Variants in GGNBP2 observed in about 807,000 individuals in gnomAD.
GGNBP2 encodes the protein gametogenetin binding protein 2.
A neutral mutation model predicts 85.9 loss-of-function variants in GGNBP2; 10 were observed. The ratio of observed to expected loss-of-function variants is 0.12; its 90% CI spans 0.07 to 0.20. GGNBP2 has a LOEUF of 0.20. GGNBP2 is among the 10% of genes least tolerant of loss of function. GGNBP2 has a pLI of 1.00. For synonymous variants in GGNBP2, 287 were observed against 285.7 expected (o/e 1.00, Z -0.05); for missense variants, 595 against 857.8 (o/e 0.69, Z 3.83).
chr17:36,585,198 C>A, intron 9 of GGNBP2, 102 bp from the exon 10 acceptor site: 3 of 980,522 alleles, frequency 3.1e-6, no homozygotes, highest in South Asian at 1.5e-5. Context: ...AGTGAAAATG[C>A]CACATCTTAC....
intron 6 of GGNBP2, chr17:36,576,617 GTGTGTGTGTGTGTATA>G (rs2074590800): frequency 1.6e-5 from 2 of 122,426 alleles, no homozygotes; most frequent in Non-Finnish European, 3.2e-5. Context: ...GTGTGTGTGT[GTGTGTGTGTGTGTATA>G]TGTATATATG....
Position 36,587,062 on chromosome 17 carries a change from C to G in GGNBP2, c.1707C>G (p.His569Gln), listed in dbSNP as rs751701927. ...GNRETSGNTM[H>Q]TVFHRDKTKD... is the part of the protein sequence containing the mutation. ...GAGAGACCTCAGGAAATACCATGCA[C>G]ACAGTGTTTCACCGTGACAAGACCA... Residue 569 changes from histidine to glutamine, a missense_variant, in exon 13 of 14, where the codon CAC (histidine) becomes CAG (glutamine). Coordinates refer to ENST00000613102, the MANE Select transcript of GGNBP2 (RefSeq NM_024835.5). 2 of 1,613,878 alleles carry G rather than the reference C, an allele frequency of 1.2e-6. No individual in the cohort carries two copies. The highest frequency in any genetic ancestry group is 2.2e-5 in the South Asian group (2 of 91,078).
chr17:36,547,803 A>G (rs1324607584), intron 2 of GGNBP2: 1 of 152,252 alleles, frequency 6.6e-6, no homozygotes, highest in Non-Finnish European at 1.5e-5. Flanking sequence ...TTGCTTCAGA[A>G]TGGGTTTTTA....
At chr17:36,588,718 G>A (rs546370716) in intron 13 of GGNBP2, among the ~76,000 whole-genome samples, 1 of 151,908 alleles carries the variant, frequency 6.6e-6, no homozygotes, top group African/African-American at 2.4e-5. Flanking sequence ...TCCTGCCTCA[G>A]CCTCCCAAAA....
At chr17:36,574,729 G>A (rs562270928) in intron 6 of GGNBP2, 40 of 629,650 alleles carry the variant, frequency 6.4e-5, no homozygotes, top group African/African-American at 5.3e-4. Flanking sequence ...GCACTGAGAC[G>A]ATGCCAGTGC....
Position 36,587,027 on chromosome 17 carries a change from C to G in GGNBP2, c.1672C>G (p.Pro558Ala). The part of the protein sequence containing the change: ...IQKLGSCITD[P>A]GNRETSGNTM... ...GAAGCTTGGAAGCTGTATTACAGAT[C>G]CAGGTAATCGAGAGACCTCAGGAAA... The change falls in exon 13 of 14, where the codon CCA becomes GCA. Residue 558 changes from proline to alanine, a missense_variant. By Grantham distance (27) the Pro-to-Ala change is conservative. Around this residue, in one of 9 missense-constraint regions of GGNBP2, gnomAD observed 120 missense variants for 126.3 expected, o/e 0.95. Transcript: ENST00000613102. 6.2e-7 allele frequency: 1 copy of G among 1,612,810 alleles called. No individual in the cohort carries two copies. Among genetic ancestry groups the G allele is most frequent in the Non-Finnish European group, 8.5e-7 (1 of 1,179,518 alleles).
In GGNBP2 at chr17:36,578,198, T is replaced by G; in HGVS notation, c.845+12T>G. ...GAGTTCGCAGGAGGGTATGAGTATG[T>G]AATTTGCTAGAATGGGCTATCTAGC... is the stretch of plus-strand genomic sequence containing the variant. On this transcript the variant is annotated intron_variant, in intron 7 of 13. Coordinates refer to ENST00000613102, the MANE Select transcript of GGNBP2 (RefSeq NM_024835.5). The G allele has an allele frequency of 6.3e-7, 1 of 1,591,082 alleles. No homozygotes were observed. The highest frequency in any genetic ancestry group is 8.6e-7 in the Non-Finnish European group (1 of 1,164,786).
chr17:36,547,679 G>C (rs562727361), intron 2 of GGNBP2: 1 of 152,304 alleles, frequency 6.6e-6, no homozygotes, highest in East Asian at 1.9e-4. Flanking sequence ...ACTGTATCTG[G>C]CGGTTGAATT....
At chr17:36,550,065 G>T (rs939865851) in intron 2 of GGNBP2, among the ~76,000 whole-genome samples, 1 of 151,974 alleles carries the variant, frequency 6.6e-6, no homozygotes, top group Non-Finnish European at 1.5e-5. Context: ...AACCTCCTGA[G>T]TAGCTGGGAT....
At chr17:36,564,311 T>C (rs1221261583) in intron 5 of GGNBP2, among the ~76,000 whole-genome samples, 1 of 152,232 alleles carries the variant, frequency 6.6e-6, no homozygotes, top group Non-Finnish European at 1.5e-5. Context: ...TATGCATCTG[T>C]GTTCATTGCT....
intron 6 of GGNBP2, chr17:36,574,780 G>A: frequency 1.5e-6 from 1 of 648,248 alleles, no homozygotes; most frequent in East Asian, 2.7e-5. Flanking sequence ...CAGAGCCGTG[G>A]TGGCCTGTCG....
At chr17:36,548,945 A>C (rs1171151643) in intron 2 of GGNBP2, among the ~76,000 whole-genome samples, 2 of 147,530 alleles carry the variant, frequency 1.4e-5, no homozygotes, top group African/African-American at 2.5e-5. Context: ...ACTCCGTTTC[A>C]AAAAAAAAAA....
chr17:36,580,364 C>G (rs1009995159), intron 8 of GGNBP2, among the ~76,000 whole-genome samples: 1 of 151,436 alleles, frequency 6.6e-6, no homozygotes, highest in South Asian at 2.1e-4. Context: ...CCCGCCACCA[C>G]GCTCGGCTAA....
intron 8 of GGNBP2, among the ~76,000 whole-genome samples, chr17:36,580,557 C>A (rs921667667): frequency 2.0e-5 from 3 of 151,782 alleles, no homozygotes; most frequent in African/African-American, 4.8e-5. Context: ...GAGACTAGAT[C>A]ATCTAATCAG....
At chr17:36,585,476 T>C in intron 10 of GGNBP2, 26 bp downstream of exon 10, 1 of 1,496,792 alleles carries the variant, frequency 6.7e-7, no homozygotes, top group Non-Finnish European at 9.2e-7. Flanking sequence ...CTTTTTAAAA[T>C]GAACTCTTAA....
chr17:36,567,467 A>G (rs1555606001), intron 5 of GGNBP2, among the ~76,000 whole-genome samples, 196 bp from the exon 6 acceptor site: 1 of 152,214 alleles, frequency 6.6e-6, no homozygotes, highest in Non-Finnish European at 1.5e-5. Context: ...TAGCAGTGTC[A>G]GTTCAGAGAA....
chr17:36,551,696 T>C (rs1336894883), intron 2 of GGNBP2, among the ~76,000 whole-genome samples: 1 of 151,760 alleles, frequency 6.6e-6, no homozygotes, highest in African/African-American at 2.4e-5. Flanking sequence ...ATACAAAAAT[T>C]AGCTGGGCAT....
chr17:36,562,431 A>G (rs1445843742), intron 5 of GGNBP2, among the ~76,000 whole-genome samples: 1 of 151,932 alleles, frequency 6.6e-6, no homozygotes, highest in African/African-American at 2.4e-5. Context: ...GGTCTCCCAA[A>G]GTGCTGGGAT....
At position 36,562,031 on chromosome 17, in the gene GGNBP2, A is replaced by G. The variant is rs192033367; in HGVS notation, c.527+1160A>G. On this transcript the variant is annotated intron_variant, in intron 5 of 13. Transcript: ENST00000613102. ...TTTCACTTTCTCCCAGCACAGTGCC[A>G]TAGTTGTCCCCTACAAAATTGCCTG... 7.2e-4 allele frequency among the ~76,000 whole-genome samples: 109 copies of G among 152,332 alleles called. No homozygotes were observed. The East Asian group carries it at 0.019, about 27-fold the overall frequency.
Sources: gnomAD v4.1 joint callset for allele counts (sites outside exome capture counted in the v4.1 genomes callset) on GRCh38, gnomAD v4.1.1 for gene constraint, gnomAD v4.1.1 regional missense constraint, MANE v1.5 for transcripts, NCBI Gene and HGNC (gene_info 2026-07-23, HGNC 2026-07-21) for gene names.